The following MTCL1 variants were observed in gnomAD, a reference collection of about 807,000 sequenced individuals.
MTCL1 encodes the protein microtubule cross-linking factor 1.
MTCL1 carries 79 observed loss-of-function variants against 141.4 expected under a neutral mutation model. The observed-to-expected ratio is 0.56, with a 90% CI of 0.47 to 0.67. MTCL1 has a LOEUF of 0.67. Among genes scored for constraint, MTCL1 ranks in the 30% least tolerant of loss-of-function variants. The pLI is 0.00. For missense variants in MTCL1, 2,177 were observed against 2,113.9 expected (o/e 1.03, Z -0.59); for synonymous variants, 914 against 875.8 (o/e 1.04, Z -0.77).
intron 4 of MTCL1, among the ~76,000 whole-genome samples, chr18:8,732,281 A>G (rs1221015088): frequency 1.3e-5 from 2 of 151,454 alleles, no homozygotes; most frequent in Non-Finnish European, 1.5e-5. Context: ...TTATTTATTT[A>G]TTTATTTTTT....
In MTCL1 at chr18:8,825,128, G is replaced by A. The variant is rs200633031; in HGVS notation, c.3618G>A (p.Thr1206=). 56 of 1,590,260 alleles carry A rather than the reference G, an allele frequency of 3.5e-5. 1 individual carries two copies. The highest frequency in any genetic ancestry group is 8.5e-5 in the Admixed American group (5 of 58,638). ...CCGTGCGCAGGGTCGACAGCATCAC[G>A]GCGGCAGGTGGTGAGGGTCCCTTTC... Residue 1206 remains threonine (T), a synonymous_variant, in exon 15 of 17, where the codon ACG becomes ACA. Coordinates refer to ENST00000359865, the Ensembl canonical transcript of MTCL1.
chr18:8,825,115 T>A, exon 15 of MTCL1: 1 of 1,598,640 alleles, frequency 6.3e-7, no homozygotes, highest in Non-Finnish European at 8.5e-7. Flanking sequence ...GTGCGCAGGG[T>A]CGACAGCATC....
At position 8,825,615 on chromosome 18, in the gene MTCL1, C is replaced by T; in HGVS notation, c.4105C>T (p.Gln1369Ter). ...TCCTTCCCGGAGCCTTAGGAGCAGACAGGTGGCCCCTGCCATCGAGAAGGT... is the reference window on the plus strand; with the variant it reads ...TCCTTCCCGGAGCCTTAGGAGCAGATAGGTGGCCCCTGCCATCGAGAAGGT... Residue 1369 changes from glutamine to a stop codon, truncating the protein, a stop_gained, in exon 15 of 17, where the codon CAG becomes TAG. Transcript: ENST00000359865. LOFTEE classifies it high-confidence loss of function. The T allele has an allele frequency of 6.2e-7, 1 of 1,613,866 alleles. No individual in the cohort carries two copies. Among genetic ancestry groups the T allele is most frequent in the Non-Finnish European group, 8.5e-7 (1 of 1,179,986 alleles).
intron 6 of MTCL1, among the ~76,000 whole-genome samples, chr18:8,785,377 G>A (rs868352624): frequency 1.1e-4 from 17 of 152,206 alleles, no homozygotes; most frequent in African/African-American, 4.1e-4. Flanking sequence ...AGCCAAAGCG[G>A]GCGAGGAGCA....
chr18:8,788,012 T>TA (rs199812998), intron 7 of MTCL1, among the ~76,000 whole-genome samples: 1 of 96,070 alleles, frequency 1.0e-5, no homozygotes, highest in Non-Finnish European at 1.9e-5. Flanking sequence ...TGGATAATTC[T>TA]GGGGGCAGAA....
intron 13 of MTCL1, among the ~76,000 whole-genome samples, chr18:8,820,282 T>A (rs965720486): frequency 6.6e-6 from 1 of 151,832 alleles, no homozygotes; most frequent in Non-Finnish European, 1.5e-5. Flanking sequence ...TGGTGGCGGG[T>A]GCCTGTAGTC....
intron 4 of MTCL1, among the ~76,000 whole-genome samples, chr18:8,756,853 G>C (rs1203675531): frequency 6.6e-6 from 1 of 152,154 alleles, no homozygotes; most frequent in Non-Finnish European, 1.5e-5. Context: ...TCTCCTCTTA[G>C]AGCCCTTCCC....
rs1190280678 is a variant in MTCL1 at position 8,779,065 on chromosome 18, C to T, written c.417+1173C>T. On this transcript the variant is annotated intron_variant, in intron 5 of 16. Coordinates refer to ENST00000359865, the Ensembl canonical transcript of MTCL1. The surrounding 1 kb of genome is among the most constrained non-coding windows in gnomAD (Gnocchi z 4.1). ...GTGGAATGGAGCGCCCTGGGAACTG[C>T]AGGCCCGCAACCAAAACCCAAAGGA... Among the ~76,000 whole-genome samples the T allele has an allele frequency of 2.0e-5, 3 of 152,236 alleles. No individual in the cohort carries two copies. The highest frequency in any genetic ancestry group is 7.2e-5 in the African/African-American group (3 of 41,468).
At chr18:8,784,744 C>T (rs1332149982) in exon 6 of MTCL1, 1 of 1,614,072 alleles carries the variant, frequency 6.2e-7, no homozygotes, top group Non-Finnish European at 8.5e-7. Context: ...CCCCCTTGCC[C>T]CACCTCACAG....
chr18:8,773,171 AGGG>A, intron 4 of MTCL1, among the ~76,000 whole-genome samples: 1 of 152,152 alleles, frequency 6.6e-6, no homozygotes. Context: ...TCTTGTCCTT[AGGG>A]TATGTTCTCA....
In MTCL1 at chr18:8,727,128, G is replaced by C. The variant is rs146504096; in HGVS notation, c.357+6632G>C. On this transcript the variant is annotated intron_variant, in intron 4 of 16. Transcript: ENST00000359865. ...CCATCCATGTTGCTGCGAAAGACAGGGTTTCATTCTTTTTTATTGCTGCGT... is the reference window on the plus strand; with the variant it reads ...CCATCCATGTTGCTGCGAAAGACAGCGTTTCATTCTTTTTTATTGCTGCGT... Among the ~76,000 whole-genome samples the C allele has an allele frequency of 2.1e-3, 322 of 152,134 alleles. 3 individuals carry two copies. Among genetic ancestry groups the C allele is most frequent in the African/African-American group, 7.5e-3 (310 of 41,490 alleles).
chr18:8,775,168 C>T (rs922946164), intron 4 of MTCL1, among the ~76,000 whole-genome samples: 7 of 152,194 alleles, frequency 4.6e-5, no homozygotes, highest in Non-Finnish European at 8.8e-5. Context: ...TCTGCCCTCA[C>T]TGCGGGCCCT....
At chr18:8,798,959 G>A (rs1379984102) in intron 10 of MTCL1, among the ~76,000 whole-genome samples, 1 of 152,194 alleles carries the variant, frequency 6.6e-6, no homozygotes, top group Non-Finnish European at 1.5e-5. Flanking sequence ...ACGCTGTCTC[G>A]CTCTCAGGCT....
intron 14 of MTCL1, among the ~76,000 whole-genome samples, chr18:8,823,896 G>T (rs1406361957): frequency 1.3e-5 from 2 of 152,140 alleles, no homozygotes; most frequent in African/African-American, 2.4e-5. Flanking sequence ...ACTCAATCTG[G>T]GACCCCTTCC....
chr18:8,829,278 G>A, intron 16 of MTCL1: 1 of 985,430 alleles, frequency 1.0e-6, no homozygotes, highest in Non-Finnish European at 1.2e-6. Flanking sequence ...GGCCAGGAGG[G>A]GACATCCTAG....
chr18:8,784,129 G>C, exon 6 of MTCL1: 2 of 1,613,622 alleles, frequency 1.2e-6, no homozygotes, highest in South Asian at 2.2e-5. Context: ...AGGAGCTGAA[G>C]TCAGCCAGGC....
chr18:8,784,225 G>A, exon 6 of MTCL1: 2 of 1,610,848 alleles, frequency 1.2e-6, no homozygotes, highest in Non-Finnish European at 1.7e-6. Flanking sequence ...GCTGCGACCT[G>A]GCAGCCCACC....
intron 10 of MTCL1, among the ~76,000 whole-genome samples, chr18:8,803,104 T>G (rs2076175893): frequency 6.6e-6 from 1 of 151,352 alleles, no homozygotes. Context: ...TTTCCCTTGA[T>G]AGGGGAAATT....
At chr18:8,796,793 C>G (rs1489960530) in intron 9 of MTCL1, among the ~76,000 whole-genome samples, 1 of 152,224 alleles carries the variant, frequency 6.6e-6, no homozygotes, top group African/African-American at 2.4e-5. Context: ...AAACTACAGA[C>G]TTCCCTGTGA....
Sources: allele counts gnomAD v4.1 joint callset (sites outside exome capture counted in the v4.1 genomes callset), GRCh38; gene constraint gnomAD v4.1.1; non-coding constraint Gnocchi (gnomAD v3.1); transcripts MANE v1.5; gene names NCBI Gene and HGNC (gene_info 2026-07-23, HGNC 2026-07-21).